The following PRH1 variants were observed in gnomAD, a reference collection of about 807,000 sequenced individuals.
The protein encoded by PRH1 is proline rich protein HaeIII subfamily 1, also known as salivary acidic proline-rich phosphoprotein 1/2.
A neutral mutation model predicts 7.9 loss-of-function variants in PRH1; 7 were observed. The observed-to-expected ratio is 0.89, with a 90% confidence interval of 0.50 to 1.67. The LOEUF is 1.67. PRH1 is among the 40% of genes most tolerant of loss of function. PRH1 has a pLI of 0.00. For missense variants in PRH1, 109 were observed against 223.6 expected (o/e 0.49, Z 3.27); for synonymous variants, 45 against 80.8 (o/e 0.56, Z 2.38).
At chr12:10,983,621 T>C (rs1939465328) in intron 1 of PRH1, among the ~76,000 whole-genome samples, 1 of 152,116 alleles carries the variant, frequency 6.6e-6, no homozygotes, top group South Asian at 2.1e-4. Context: ...CAATGGGAAA[T>C]AGAAGACAGA....
At chr12:11,110,053 C>T (rs975491618) in intron 1 of PRH1, among the ~76,000 whole-genome samples, 46 of 151,368 alleles carry the variant, frequency 3.0e-4, no homozygotes, top group Non-Finnish European at 4.0e-4. Context: ...ACCAATCAAG[C>T]GGAAGAAAGG....
At chr12:11,052,759 CTCTT>C (rs1417376255) in intron 1 of PRH1, among the ~76,000 whole-genome samples, 3 of 141,036 alleles carry the variant, frequency 2.1e-5, no homozygotes, top group Non-Finnish European at 4.7e-5. Flanking sequence ...AACTGGTTGA[CTCTT>C]TCTATTGGAT....
chr12:10,923,988 CTG>C (rs1445789902), intron 2 of PRH1, among the ~76,000 whole-genome samples: 5 of 84,298 alleles, frequency 5.9e-5, no homozygotes, highest in African/African-American at 1.8e-4. Context: ...ATTTCTCCAT[CTG>C]TTTTTTTTTT....
chr12:11,005,048 G>T lies in PRH1; in HGVS notation c.-125-31327C>A, dbSNP rs550349458. Among the ~76,000 whole-genome samples the T allele has an allele frequency of 2.0e-5, 3 of 152,162 alleles. No homozygotes were observed. The East Asian group carries it at 5.8e-4, about 29-fold the overall frequency. On this transcript the variant is annotated intron_variant, in intron 1 of 3. Coordinates refer to the PRH1 transcript ENST00000539853. ...TTAAGGTCCTGACATTAAATTCTATGTGCACCTGATTTCTGAATGTGCATT... is the reference window on the plus strand; with the variant it reads ...TTAAGGTCCTGACATTAAATTCTATTTGCACCTGATTTCTGAATGTGCATT...
intron 1 of PRH1, among the ~76,000 whole-genome samples, chr12:11,162,581 A>C (rs1947447576): frequency 6.6e-6 from 1 of 152,202 alleles, no homozygotes; most frequent in Non-Finnish European, 1.5e-5. Flanking sequence ...GAAGAAGGGT[A>C]CATATGGTGA....
intron 2 of PRH1, among the ~76,000 whole-genome samples, chr12:10,900,362 CT>C (rs1949706128): frequency 6.6e-6 from 1 of 152,196 alleles, no homozygotes; most frequent in African/African-American, 2.4e-5. Flanking sequence ...AGACCCAGGA[CT>C]GAGAGCAGGA....
At chr12:10,988,214 A>T (rs1340156922) in intron 1 of PRH1, among the ~76,000 whole-genome samples, 1 of 152,220 alleles carries the variant, frequency 6.6e-6, no homozygotes, top group African/African-American at 2.4e-5. Flanking sequence ...TGAGATAAAA[A>T]TATCTAACGT....
intron 1 of PRH1, among the ~76,000 whole-genome samples, chr12:11,072,613 C>T (rs1272524190): frequency 2.0e-5 from 3 of 152,198 alleles, no homozygotes; most frequent in African/African-American, 4.8e-5. Flanking sequence ...TTTTTACATC[C>T]CTCTCCACTT....
chr12:11,164,089 T>A (rs114029830), intron 1 of PRH1, among the ~76,000 whole-genome samples: 2,322 of 152,278 alleles, frequency 0.015, 18 homozygotes, highest in South Asian at 0.031. Context: ...TAATTTTACA[T>A]ATCAACTTGA....
At chr12:10,990,439 C>T (rs2135992191) in intron 1 of PRH1, among the ~76,000 whole-genome samples, 1 of 152,312 alleles carries the variant, frequency 6.6e-6, no homozygotes, top group Non-Finnish European at 1.5e-5. Flanking sequence ...ATTCTTGGTA[C>T]ATTCAAGAAA....
intron 1 of PRH1, among the ~76,000 whole-genome samples, chr12:11,032,911 T>C (rs1236201031): frequency 6.6e-6 from 1 of 152,100 alleles, no homozygotes; most frequent in Non-Finnish European, 1.5e-5. Flanking sequence ...TACTGGGGAT[T>C]CTTCTTCTTT....
At chr12:11,171,187 CG>C in intron 1 of PRH1, 1 of 404,920 alleles carries the variant, frequency 2.5e-6, no homozygotes, top group East Asian at 3.6e-5. Flanking sequence ...GCGCCAGCGG[CG>C]CCCGGGGCTA....
chr12:11,165,966 C>A (rs1947563798), intron 1 of PRH1: 1 of 152,238 alleles, frequency 6.6e-6, no homozygotes, highest in Non-Finnish European at 1.5e-5. Flanking sequence ...GCAATGGGAG[C>A]TCTTTGTTCT....
chr12:11,167,217 C>T (rs1402669583), intron 1 of PRH1, among the ~76,000 whole-genome samples: 1 of 152,154 alleles, frequency 6.6e-6, no homozygotes, highest in African/African-American at 2.4e-5. Context: ...TCAACCTTTC[C>T]AGTAAGCATT....
chr12:10,943,943 G>A (rs75010611), intron 2 of PRH1, among the ~76,000 whole-genome samples: 3,009 of 152,188 alleles, frequency 0.02, 34 homozygotes, highest in South Asian at 0.031. Context: ...CTGTTTTTAT[G>A]CCAGTACCAT....
At chr12:11,006,808 G>T (rs1404074697) in intron 1 of PRH1, among the ~76,000 whole-genome samples, 1 of 152,034 alleles carries the variant, frequency 6.6e-6, no homozygotes, top group African/African-American at 2.4e-5. Flanking sequence ...TATGCTAATG[G>T]ATGAGTTCAA....
intron 1 of PRH1, among the ~76,000 whole-genome samples, chr12:11,170,976 A>C (rs142269032): frequency 5.4e-4 from 83 of 152,376 alleles, no homozygotes; most frequent in African/African-American, 1.9e-3. Context: ...GACAAACTAA[A>C]GTTTTAATCT....
chr12:11,162,322 TTTTCTTTCTAAATGGGAGGA>T (rs1947441015), intron 1 of PRH1, among the ~76,000 whole-genome samples: 1 of 152,200 alleles, frequency 6.6e-6, no homozygotes. Context: ...ATTCCTCCTG[TTTTCTTTCTAAATGGGAGGA>T]GTTTATTGTT....
At chr12:10,985,925 G>A in intron 1 of PRH1, 1 of 1,557,122 alleles carries the variant, frequency 6.4e-7, no homozygotes, top group Non-Finnish European at 8.7e-7. Context: ...TGTCCCACTT[G>A]TGAATCTAGA....
Sources: gnomAD v4.1 joint callset for allele counts (sites outside exome capture counted in the v4.1 genomes callset) on GRCh38, gnomAD v4.1.1 for gene constraint, MANE v1.5 for transcripts, NCBI Gene and HGNC (gene_info 2026-07-23, HGNC 2026-07-21) for gene names.